Variants in TRPC5 observed in about 807,000 individuals in gnomAD.
TRPC5 encodes the protein short transient receptor potential channel 5.
TRPC5 carries 9 observed loss-of-function variants against 56.5 expected under a neutral mutation model. The observed-to-expected ratio is 0.16, with a 90% CI of 0.10 to 0.28. The LOEUF (loss-of-function observed/expected upper bound fraction) is 0.28, where lower values mean the gene tolerates loss of function less well. Ranked by LOEUF, TRPC5 falls within the 10% of genes least tolerant of loss-of-function variation. The pLI, the probability that TRPC5 is intolerant of heterozygous loss-of-function variation, is 1.00. For synonymous variants in TRPC5, 282 were observed against 278.5 expected, an observed-to-expected ratio of 1.01 and a Z score of -0.13; for missense variants, 469 against 748.9, an observed-to-expected ratio of 0.63 and a Z score of 4.36.
intron 9 of TRPC5, 39 bp from the exon 10 acceptor site, chrX:111,779,113 C>A: frequency 1.0e-6 from 1 of 985,318 alleles, no homozygotes; most frequent in Non-Finnish European, 1.4e-6. Context: ...CAGTCTCCTT[C>A]TCAGGCTCTC....
chrX:111,823,958 T>C, intron 7 of TRPC5, among the ~76,000 whole-genome samples: 1 of 110,320 alleles, frequency 9.1e-6, no homozygotes, highest in East Asian at 2.9e-4. Context: ...TGGCAGGGAG[T>C]GGTGGCTCAT....
At chrX:112,043,545 C>A (rs1196222833) in intron 1 of TRPC5, among the ~76,000 whole-genome samples, 1 of 108,905 alleles carries the variant, frequency 9.2e-6, no homozygotes, top group African/African-American at 3.3e-5. Flanking sequence ...TAAGACCTAG[C>A]GTGAAAACTT....
intron 3 of TRPC5, among the ~76,000 whole-genome samples, chrX:111,859,966 G>T (rs765419661): frequency 3.2e-4 from 36 of 112,935 alleles, no homozygotes; most frequent in Non-Finnish European, 5.4e-4. Flanking sequence ...TGGAGTGCAG[G>T]GGCGAGATCT....
chrX:111,786,846 A>G (rs1055513485), intron 7 of TRPC5, among the ~76,000 whole-genome samples: 16 of 112,091 alleles, frequency 1.4e-4, no homozygotes, highest in African/African-American at 4.5e-4. Context: ...TAAAGGGATC[A>G]ATTCAACAAG....
intron 3 of TRPC5, among the ~76,000 whole-genome samples, chrX:111,907,264 T>C (rs1925661322): frequency 9.0e-6 from 1 of 110,984 alleles, no homozygotes; most frequent in Admixed American, 9.7e-5. Context: ...ACACATAAAC[T>C]ATATGCCTTC....
At chrX:112,002,733 T>A (rs1928729338) in intron 1 of TRPC5, among the ~76,000 whole-genome samples, 2 of 111,895 alleles carry the variant, frequency 1.8e-5, no homozygotes, top group African/African-American at 3.2e-5. Flanking sequence ...ACCCCGCATG[T>A]CTTAGAAGCA....
chrX:111,847,003 C>T, intron 6 of TRPC5, 111 bp downstream of exon 6: 16 of 839,663 alleles, frequency 1.9e-5, no homozygotes, highest in Non-Finnish European at 2.7e-5. Flanking sequence ...ACTGCCTTCA[C>T]AGTCAAGTGG....
intron 3 of TRPC5, among the ~76,000 whole-genome samples, chrX:111,863,485 A>C (rs1020035200): frequency 5.4e-5 from 6 of 111,963 alleles, no homozygotes; most frequent in African/African-American, 2.0e-4. Context: ...TGCCCAACTC[A>C]TTTATCAGCC....
At chrX:111,813,431 T>G (rs1011769179) in intron 7 of TRPC5, among the ~76,000 whole-genome samples, 10 of 112,308 alleles carry the variant, frequency 8.9e-5, no homozygotes. Flanking sequence ...GTCCAGATTC[T>G]GAGCACATGG....
chrX:111,856,370 G>T (rs1484276020), intron 3 of TRPC5, among the ~76,000 whole-genome samples: 1 of 108,679 alleles, frequency 9.2e-6, no homozygotes, highest in Non-Finnish European at 1.9e-5. Context: ...GGTGAAACCC[G>T]TCTCTACTAA....
intron 1 of TRPC5, among the ~76,000 whole-genome samples, chrX:112,031,567 A>G (rs780691597): frequency 1.8e-5 from 2 of 111,466 alleles, no homozygotes; most frequent in Non-Finnish European, 3.8e-5. Context: ...TAAAATACAT[A>G]TTGAGCACCA....
chrX:112,077,204 G>C (rs1401001378), intron 1 of TRPC5, among the ~76,000 whole-genome samples: 2 of 111,485 alleles, frequency 1.8e-5, no homozygotes, highest in Admixed American at 9.6e-5. Context: ...ACTCAGGTCT[G>C]TGTGAGTTCC....
intron 9 of TRPC5, 55 bp from the exon 10 acceptor site, chrX:111,779,129 A>C (rs1945900698): frequency 1.1e-6 from 1 of 870,167 alleles, no homozygotes; most frequent in East Asian, 3.3e-5. Context: ...CTCTCAGTAC[A>C]GTAAGAAACT....
At chrX:112,079,424 C>A (rs1262314120) in intron 1 of TRPC5, among the ~76,000 whole-genome samples, 1 of 112,109 alleles carries the variant, frequency 8.9e-6, no homozygotes, top group Non-Finnish European at 1.9e-5. Context: ...CCAAGGTTCC[C>A]AATTCCCTGG....
rs779236587 is a variant in TRPC5, at chrX:111,914,145, A to G, written c.379-1333T>C. Among the ~76,000 whole-genome samples the G allele has an allele frequency of 2.7e-5, 3 of 110,795 alleles. No homozygotes were observed. In the East Asian group the frequency reaches 8.5e-4, roughly 31 times the overall value. ...TTTAAGAGGTGGAGCCGAGTATTCA[A>G]AACATGTCTAGGATTCCAGAAAATT... On this transcript the variant is annotated intron_variant, in intron 2 of 10. Coordinates refer to ENST00000262839, the MANE Select transcript of TRPC5 (RefSeq NM_012471.3).
At chrX:111,787,236 C>G (rs1483356185) in intron 7 of TRPC5, among the ~76,000 whole-genome samples, 1 of 111,700 alleles carries the variant, frequency 9.0e-6, no homozygotes, top group African/African-American at 3.3e-5. Flanking sequence ...CAAATTAGAA[C>G]TCAGGGTTAA....
intron 2 of TRPC5, among the ~76,000 whole-genome samples, chrX:111,946,553 C>A (rs904985036): frequency 1.2e-4 from 14 of 112,214 alleles, no homozygotes; most frequent in Non-Finnish European, 1.7e-4. Flanking sequence ...TTCTTGGAAA[C>A]TTCTCTGTGA....
intron 1 of TRPC5, among the ~76,000 whole-genome samples, chrX:112,058,193 C>T (rs926273797): frequency 8.9e-6 from 1 of 111,794 alleles, no homozygotes; most frequent in Non-Finnish European, 1.9e-5. Context: ...ACTTGGAGCT[C>T]GTCACCTAGG....
At chrX:111,993,027 T>A (rs1469217946) in intron 1 of TRPC5, among the ~76,000 whole-genome samples, 5 of 110,308 alleles carry the variant, frequency 4.5e-5, no homozygotes, top group South Asian at 3.9e-4. Flanking sequence ...CATTAGGTAT[T>A]TCTCCTAATG....
Sources: gnomAD v4.1 joint callset for allele counts (sites outside exome capture counted in the v4.1 genomes callset) on GRCh38, gnomAD v4.1.1 for gene constraint, MANE v1.5 for transcripts, NCBI Gene and HGNC (gene_info 2026-07-23, HGNC 2026-07-21) for gene names.